CFAP299: variants seen among roughly 807,000 people sequenced by gnomAD.
CFAP299 encodes the protein cilia and flagella associated protein 299.
CFAP299 carries 21 observed loss-of-function variants against 27.0 expected under a neutral mutation model. That is an observed-to-expected ratio of 0.78 (90% confidence interval 0.55 to 1.12). The LOEUF (loss-of-function observed/expected upper bound fraction) is 1.12. Ranked by LOEUF, CFAP299 falls within the 50% of genes most tolerant of loss-of-function variation. CFAP299 has a pLI of 0.00. For synonymous variants in CFAP299, 104 were observed against 98.1 expected (o/e 1.06, Z -0.36); for missense variants, 310 against 276.6 (o/e 1.12, Z -0.86).
At chr4:80,485,102 C>T (rs1730742741) in intron 2 of CFAP299, among the ~76,000 whole-genome samples, 1 of 151,950 alleles carries the variant, frequency 6.6e-6, no homozygotes, top group Admixed American at 6.6e-5. Flanking sequence ...GACAGCTAGG[C>T]ATTTTTTCTC....
intron 2 of CFAP299, among the ~76,000 whole-genome samples, chr4:80,529,126 T>C (rs1733333430): frequency 6.6e-6 from 1 of 152,180 alleles, no homozygotes; most frequent in Non-Finnish European, 1.5e-5. Context: ...CCTTCTGTGA[T>C]ATGATAGCAG....
At chr4:80,887,232 A>T (rs1368049618) in intron 4 of CFAP299, among the ~76,000 whole-genome samples, 1 of 152,196 alleles carries the variant, frequency 6.6e-6, no homozygotes, top group Non-Finnish European at 1.5e-5. Context: ...CAAGAAGGTT[A>T]TGGAACATTA....
intron 4 of CFAP299, among the ~76,000 whole-genome samples, chr4:80,891,806 G>C (rs1271607271): frequency 1.3e-5 from 1 of 76,792 alleles, no homozygotes; most frequent in Non-Finnish European, 2.6e-5. Flanking sequence ...AAAAATAAAA[G>C]CTTTGAGAAG....
chr4:80,430,064 T>C (rs1191430504), intron 2 of CFAP299, among the ~76,000 whole-genome samples: 1 of 152,204 alleles, frequency 6.6e-6, no homozygotes, highest in East Asian at 1.9e-4. Flanking sequence ...AATAAGCATT[T>C]TATGACTATA....
intron 4 of CFAP299, among the ~76,000 whole-genome samples, chr4:80,939,999 C>T (rs1162966665): frequency 2.6e-5 from 4 of 152,150 alleles, no homozygotes; most frequent in Non-Finnish European, 5.9e-5. Context: ...TATACCTTTT[C>T]CCAGTCCTGC....
chr4:80,687,804 A>T (rs1720310394), intron 3 of CFAP299, among the ~76,000 whole-genome samples: 1 of 152,160 alleles, frequency 6.6e-6, no homozygotes, highest in Non-Finnish European at 1.5e-5. Context: ...GGAGTGTCAG[A>T]CAGTGGGCGC....
intron 3 of CFAP299, among the ~76,000 whole-genome samples, chr4:80,764,328 C>T (rs1725721169): frequency 1.3e-5 from 2 of 152,002 alleles, no homozygotes; most frequent in South Asian, 4.2e-4. Context: ...ATTTATGCGG[C>T]CAACAAACAT....
At chr4:80,616,654 C>G (rs181441157) in intron 3 of CFAP299, among the ~76,000 whole-genome samples, 56 of 152,118 alleles carry the variant, frequency 3.7e-4, no homozygotes, top group African/African-American at 1.3e-3. Context: ...GGGCCCTAAG[C>G]ATGTATATTT....
chr4:80,359,923 T>C (rs1460942061), intron 1 of CFAP299, among the ~76,000 whole-genome samples: 1 of 152,232 alleles, frequency 6.6e-6, no homozygotes, highest in Non-Finnish European at 1.5e-5. Context: ...TTCATCATTC[T>C]TGTGCTGATT....
chr4:80,730,875 A>G (rs1179277115), intron 3 of CFAP299, among the ~76,000 whole-genome samples: 2 of 152,180 alleles, frequency 1.3e-5, no homozygotes, highest in Admixed American at 1.3e-4. Context: ...CTATTTGGAA[A>G]TTCCCACAGA....
chr4:80,864,452 A>G (rs910170915), intron 3 of CFAP299, among the ~76,000 whole-genome samples: 1 of 145,134 alleles, frequency 6.9e-6, no homozygotes, highest in East Asian at 2.0e-4. Flanking sequence ...ATATATACCT[A>G]TATAAGTATA....
intron 3 of CFAP299, among the ~76,000 whole-genome samples, chr4:80,767,969 G>T (rs1725991929): frequency 6.6e-6 from 1 of 152,066 alleles, no homozygotes; most frequent in South Asian, 2.1e-4. Flanking sequence ...TATTAGTGTT[G>T]ATATTTTAAA....
At chr4:80,625,352 TG>T (rs1164715531) in intron 3 of CFAP299, among the ~76,000 whole-genome samples, 1 of 151,926 alleles carries the variant, frequency 6.6e-6, no homozygotes, top group African/African-American at 2.4e-5. Context: ...GTAGGTCATA[TG>T]GAAACCACAA....
intron 4 of CFAP299, chr4:80,872,914 T>A (rs1733177782): frequency 1.1e-6 from 1 of 937,834 alleles, no homozygotes. Context: ...TGTGTGTAGT[T>A]CTTCTTCTTT....
chr4:80,416,795 A>G (rs1318816763), intron 2 of CFAP299, among the ~76,000 whole-genome samples: 2 of 152,182 alleles, frequency 1.3e-5, no homozygotes, highest in African/African-American at 2.4e-5. Flanking sequence ...CATTCTGAAA[A>G]AGGAGGTATG....
At chr4:80,330,529 A>G in the CFAP299 span, among the ~76,000 whole-genome samples, 2 of 151,838 alleles carry the variant, frequency 1.3e-5, no homozygotes, top group Non-Finnish European at 2.9e-5. Flanking sequence ...AGCACATGAG[A>G]CTCAGTCACA....
intron 3 of CFAP299, among the ~76,000 whole-genome samples, chr4:80,690,118 A>T (rs1720555214): frequency 6.7e-6 from 1 of 149,340 alleles, no homozygotes; most frequent in Non-Finnish European, 1.5e-5. Flanking sequence ...CCCACTGTCA[A>T]CATTAGGCAG....
chr4:80,765,637 A>T lies in CFAP299; in HGVS notation c.334-104356A>T, dbSNP rs553458151. Among the ~76,000 whole-genome samples the T allele has an allele frequency of 2.8e-4, 43 of 152,142 alleles. 1 individual carries two copies. The South Asian group carries it at 8.5e-3, about 30-fold the overall frequency. On this transcript the variant is annotated intron_variant, in intron 3 of 5. Coordinates refer to ENST00000358105, the MANE Select transcript of CFAP299 (RefSeq NM_152770.3). ...TTTTTTTATTTTTTTATTATACTTT[A>T]AGTTTCAGGGTACATGTGCACAACA...
intron 4 of CFAP299, chr4:80,872,972 T>C: frequency 1.0e-6 from 1 of 979,664 alleles, no homozygotes; most frequent in Non-Finnish European, 1.2e-6. Context: ...GTTCTGATAG[T>C]CATCTTAATG....
Sources: allele counts gnomAD v4.1 joint callset (sites outside exome capture counted in the v4.1 genomes callset), GRCh38; gene constraint gnomAD v4.1.1; transcripts MANE v1.5; gene names NCBI Gene and HGNC (gene_info 2026-07-23, HGNC 2026-07-21).